Variants in STK17A observed in about 807,000 individuals in gnomAD.
The protein encoded by STK17A is serine/threonine-protein kinase 17A.
Under a neutral mutation model 43.7 loss-of-function variants are expected in STK17A, and 26 were observed. The ratio of observed to expected loss-of-function variants is 0.60; its 90% CI spans 0.44 to 0.83. The LOEUF is 0.83. STK17A is among the 40% of genes least tolerant of loss of function. The probability of loss-of-function intolerance (pLI) is 0.00; values close to 1 mark genes in which losing one functional copy is unlikely to be tolerated. For synonymous variants in STK17A, 191 were observed against 182.5 expected, an observed-to-expected ratio of 1.05 and a Z score of -0.38; for missense variants, 476 against 511.6, an observed-to-expected ratio of 0.93 and a Z score of 0.67.
At chr7:43,616,721 C>A (rs564368681) in intron 3 of STK17A, among the ~76,000 whole-genome samples, 1 of 152,224 alleles carries the variant, frequency 6.6e-6, no homozygotes, top group African/African-American at 2.4e-5. Flanking sequence ...CACGGTGAAA[C>A]CCCGTCTCTA....
intron 3 of STK17A, chr7:43,609,133 G>T (rs1023871674): frequency 1.3e-4 from 20 of 152,298 alleles, no homozygotes; most frequent in African/African-American, 4.3e-4. Flanking sequence ...AGTATTCAGG[G>T]TTCAAAAACT....
chr7:43,622,030 C>T (rs1035847134), intron 4 of STK17A, among the ~76,000 whole-genome samples: 2 of 152,270 alleles, frequency 1.3e-5, no homozygotes, highest in East Asian at 3.9e-4. Flanking sequence ...AGTAATAGTA[C>T]CGACCTCATA....
At position 43,617,777 on chromosome 7, in the gene STK17A, G is replaced by C. The variant is rs78187232; in HGVS notation, c.565-1820G>C. Among the ~76,000 whole-genome samples, 898 of 152,262 alleles carry C rather than the reference G, an allele frequency of 5.9e-3. 9 individuals carry two copies. The highest frequency in any genetic ancestry group is 0.021 in the African/African-American group (872 of 41,568). ...GCAGATCATGCAAGCTGAGAGTTTG[G>C]AGTAAAAAGAGGAAAGGCCTCAAGA... is the stretch of plus-strand genomic sequence containing the variant. On this transcript the variant is annotated intron_variant, in intron 3 of 6. Coordinates refer to ENST00000319357, the MANE Select transcript of STK17A (RefSeq NM_004760.3).
intron 1 of STK17A, among the ~76,000 whole-genome samples, chr7:43,587,134 A>T (rs1465403722): frequency 6.8e-6 from 1 of 146,320 alleles, no homozygotes; most frequent in African/African-American, 2.5e-5. Flanking sequence ...TAATGAAATG[A>T]TATGTTTTTA....
At chr7:43,598,343 G>A (rs917329706) in intron 2 of STK17A, among the ~76,000 whole-genome samples, 4 of 151,808 alleles carry the variant, frequency 2.6e-5, no homozygotes, top group Non-Finnish European at 4.4e-5. Context: ...GGTAGCAGGC[G>A]CCTATAGTCC....
intron 3 of STK17A, among the ~76,000 whole-genome samples, chr7:43,614,457 C>T (rs893290314): frequency 3.3e-5 from 5 of 152,098 alleles, no homozygotes; most frequent in South Asian, 4.1e-4. Context: ...TGCTGAGGTA[C>T]TTAGCTTTGT....
intron 3 of STK17A, among the ~76,000 whole-genome samples, chr7:43,611,003 G>A (rs2082824203): frequency 1.3e-5 from 2 of 152,168 alleles, no homozygotes; most frequent in Admixed American, 1.3e-4. Context: ...TGTAATCCCA[G>A]CTACTTGGGA....
intron 1 of STK17A, among the ~76,000 whole-genome samples, chr7:43,589,232 G>A (rs952683980): frequency 6.6e-5 from 10 of 151,410 alleles, no homozygotes. Context: ...GCCATGTGCA[G>A]GGCACTATGG....
At chr7:43,585,507 T>G (rs1367723652) in intron 1 of STK17A, among the ~76,000 whole-genome samples, 3 of 151,622 alleles carry the variant, frequency 2.0e-5, no homozygotes, top group Non-Finnish European at 4.4e-5. Flanking sequence ...GAGTAGATTG[T>G]AAAGCTGCAT....
At chr7:43,588,139 G>C (rs1171451856) in intron 1 of STK17A, among the ~76,000 whole-genome samples, 1 of 151,360 alleles carries the variant, frequency 6.6e-6, no homozygotes, top group Non-Finnish European at 1.5e-5. Context: ...CTCACCTCCA[G>C]AACTCCTGTT....
At chr7:43,593,126 C>A (rs1383934975) in intron 1 of STK17A, among the ~76,000 whole-genome samples, 1 of 152,134 alleles carries the variant, frequency 6.6e-6, no homozygotes, top group Non-Finnish European at 1.5e-5. Context: ...CCTGTGTATC[C>A]ATTTAGTTCC....
Position 43,624,646 on chromosome 7 carries a change from C to T in STK17A, c.1049C>T (p.Pro350Leu), listed in dbSNP as rs776533036. Residue 350 changes from proline to leucine, a missense_variant, in exon 7 of 7, where the codon CCT becomes CTT. Pro to Leu is a moderately conservative substitution (Grantham distance 98). This residue lies in a region of STK17A where 110 missense variants were observed against 103.7 expected (regional missense o/e 1.06). Transcript: ENST00000319357. ...ANALQEGHSV[P>L]EINSDTDKSE... ...GCCCTCCAAGAAGGTCATTCTGTGC[C>T]TGAAATTAATTCGGATACCGACAAA... 2 of 1,614,096 alleles carry T rather than the reference C, an allele frequency of 1.2e-6. No homozygotes were observed. Among genetic ancestry groups the T allele is most frequent in the Non-Finnish European group, 8.5e-7 (1 of 1,180,012 alleles).
chr7:43,598,357 C>T (rs898796153), intron 2 of STK17A, among the ~76,000 whole-genome samples: 1 of 151,426 alleles, frequency 6.6e-6, no homozygotes, highest in African/African-American at 2.4e-5. Flanking sequence ...ATAGTCCCAG[C>T]TACTCAGGAG....
intron 2 of STK17A, among the ~76,000 whole-genome samples, chr7:43,602,406 T>C (rs12531841): frequency 0.26 from 40,286 of 152,036 alleles, 6,050 homozygotes; most frequent in Non-Finnish European, 0.33. Context: ...CTTCATTGAT[T>C]CACTCATCTG....
Position 43,624,930 on chromosome 7 carries a change from G to GTTATCCACTTCCAGTAC in STK17A, c.*88_*89insTTATCCACTTCCAGTAC. On this transcript the variant is annotated 3_prime_UTR_variant, in exon 7 of 7. Coordinates refer to ENST00000319357, the MANE Select transcript of STK17A (RefSeq NM_004760.3). ...CTCTGGCCAAATGGTACATGTACTG[G>GTTATCCACTTCCAGTAC]AAGTGGATAACCAGTATCACTTACA... 1 of 1,179,826 alleles carries GTTATCCACTTCCAGTAC rather than the reference G, an allele frequency of 8.5e-7. No individual in the cohort carries two copies. The highest frequency in any genetic ancestry group is 1.2e-6 in the Non-Finnish European group (1 of 847,300). The allele number at this position is 1,179,826 out of a possible 1,614,324, so 73.1% of individuals were successfully genotyped here. A position where few individuals can be genotyped will look rare whatever the true frequency, so the allele number is the denominator to read the frequency against.
At chr7:43,622,392 CAT>C (rs2083992239) in intron 4 of STK17A, 1 of 152,182 alleles carries the variant, frequency 6.6e-6, no homozygotes, top group African/African-American at 2.4e-5. Flanking sequence ...GTAGTAGATA[CAT>C]GACCTTGAGT....
chr7:43,606,701 ATACTT>A lies in STK17A; in HGVS notation c.420-1554_420-1550del, dbSNP rs2082593206. Among the ~76,000 whole-genome samples the A allele has an allele frequency of 7.2e-5, 11 of 152,192 alleles. No homozygotes were observed. The South Asian group carries it at 2.3e-3, about 32-fold the overall frequency. ...AGTTAATATTATATTTTCTGTTACTATACTTGAGAGATGCTTTTAACATCTCAGAT... is the reference window on the plus strand; with the variant it reads ...AGTTAATATTATATTTTCTGTTACTAGAGAGATGCTTTTAACATCTCAGAT... On this transcript the variant is annotated intron_variant, in intron 2 of 6. Transcript: ENST00000319357.
At chr7:43,590,226 A>G (rs1472345003) in intron 1 of STK17A, among the ~76,000 whole-genome samples, 1 of 151,506 alleles carries the variant, frequency 6.6e-6, no homozygotes, top group East Asian at 1.9e-4. Flanking sequence ...TATTACAGGC[A>G]TGAGCCACCG....
At position 43,623,754 on chromosome 7, in the gene STK17A, T is replaced by C. The variant is rs1443039881; in HGVS notation, c.786T>C (p.Pro262=). 1.2e-6 allele frequency: 2 copies of C among 1,607,036 alleles called. No homozygotes were observed. Among genetic ancestry groups the C allele is most frequent in the Non-Finnish European group, 1.7e-6 (2 of 1,177,684 alleles). ...LTYVMLTGIS[P]FLGNDKQETF... ...ATGTCATGCTTACAGGAATATCACCTTTCTTAGGCAATGATAAACAAGAAA... is the reference window on the plus strand; with the variant it reads ...ATGTCATGCTTACAGGAATATCACCCTTCTTAGGCAATGATAAACAAGAAA... The change falls in exon 6 of 7, where the codon CCT becomes CCC. Residue 262 remains proline (P), a synonymous_variant. Transcript: ENST00000319357.
Sources: gnomAD v4.1 joint callset for allele counts (sites outside exome capture counted in the v4.1 genomes callset) on GRCh38, gnomAD v4.1.1 for gene constraint, gnomAD v4.1.1 regional missense constraint, MANE v1.5 for transcripts, NCBI Gene and HGNC (gene_info 2026-07-23, HGNC 2026-07-21) for gene names.